NRG3: variants seen among roughly 807,000 people sequenced by gnomAD.
The protein encoded by NRG3 is pro-neuregulin-3, membrane-bound isoform.
Under a neutral mutation model 66.9 loss-of-function variants are expected in NRG3, and 31 were observed. That is an observed-to-expected ratio of 0.46 (90% CI 0.35 to 0.63). NRG3 has a LOEUF of 0.63. Among genes scored for constraint, NRG3 ranks in the 20% least tolerant of loss-of-function variants. The pLI is 0.00. For synonymous variants in NRG3, 393 were observed against 359.4 expected (o/e 1.09, Z -1.06); for missense variants, 910 against 878.9 (o/e 1.04, Z -0.45).
chr10:81,900,196 G>T (rs895366783), intron 1 of NRG3, among the ~76,000 whole-genome samples: 6 of 151,774 alleles, frequency 4.0e-5, no homozygotes, highest in Admixed American at 1.3e-4. Flanking sequence ...TGATCCACCC[G>T]CCTTGGCCTC....
intron 2 of NRG3, among the ~76,000 whole-genome samples, chr10:82,557,579 G>T (rs2044734031): frequency 6.6e-6 from 1 of 152,014 alleles, no homozygotes; most frequent in African/African-American, 2.4e-5. Context: ...TCTCTAGGTT[G>T]TCTGTTTACA....
intron 4 of NRG3, among the ~76,000 whole-genome samples, chr10:82,911,497 T>A (rs182243300): frequency 5.9e-5 from 9 of 152,052 alleles, no homozygotes; most frequent in Admixed American, 5.9e-4. Context: ...AAGGCATTGA[T>A]CAATTTTATA....
intron 8 of NRG3, chr10:82,984,678 G>T (rs1367239896): frequency 1.7e-6 from 2 of 1,169,758 alleles, no homozygotes; most frequent in Non-Finnish European, 2.5e-6. Flanking sequence ...GGGCTGAGAG[G>T]GTGGTCGAGT....
At chr10:82,527,906 C>T (rs572192275) in intron 2 of NRG3, among the ~76,000 whole-genome samples, 12 of 130,076 alleles carry the variant, frequency 9.2e-5, no homozygotes, top group African/African-American at 3.5e-4. Flanking sequence ...ATGCTATTGA[C>T]ATTTGGACTA....
At chr10:82,407,017 A>G (rs1052322151) in intron 2 of NRG3, among the ~76,000 whole-genome samples, 27 of 151,124 alleles carry the variant, frequency 1.8e-4, no homozygotes, top group Admixed American at 1.7e-3. Context: ...TTCTTGTTCT[A>G]CTTTCCCCAG....
intron 1 of NRG3, among the ~76,000 whole-genome samples, chr10:81,888,676 G>A (rs535169947): frequency 9.9e-5 from 15 of 152,242 alleles, no homozygotes; most frequent in Admixed American, 9.2e-4. Flanking sequence ...CTATATGGGA[G>A]CCAGTGAGGG....
chr10:82,440,354 C>A, intron 2 of NRG3, among the ~76,000 whole-genome samples: 1 of 135,758 alleles, frequency 7.4e-6, no homozygotes. Flanking sequence ...TACTAGTTTG[C>A]CTGTTTGATT....
intron 1 of NRG3, among the ~76,000 whole-genome samples, chr10:82,091,809 C>T (rs1388683928): frequency 1.3e-5 from 2 of 152,194 alleles, no homozygotes; most frequent in Non-Finnish European, 2.9e-5. Flanking sequence ...TTCTCACCGA[C>T]ACTTGTGATT....
chr10:82,568,146 T>C (rs1035342555), intron 2 of NRG3, among the ~76,000 whole-genome samples: 1 of 151,872 alleles, frequency 6.6e-6, no homozygotes, highest in African/African-American at 2.4e-5. Context: ...GTTGGACAAA[T>C]GCCATACCCT....
intron 4 of NRG3, among the ~76,000 whole-genome samples, chr10:82,878,669 G>A (rs746542740): frequency 7.2e-5 from 11 of 152,202 alleles, no homozygotes; most frequent in Admixed American, 1.3e-4. Context: ...AGATGTCAGC[G>A]TAAACAGGAC....
chr10:82,110,707 C>CA (rs1297331422), intron 1 of NRG3, among the ~76,000 whole-genome samples: 6 of 151,912 alleles, frequency 3.9e-5, no homozygotes, highest in African/African-American at 1.5e-4. Context: ...CCAGGGAGAA[C>CA]AGTGTGGGGA....
intron 2 of NRG3, among the ~76,000 whole-genome samples, chr10:82,714,286 A>G (rs2056845625): frequency 6.6e-6 from 1 of 151,998 alleles, no homozygotes; most frequent in Admixed American, 6.6e-5. Flanking sequence ...ACAATATATT[A>G]ACTATACTCA....
At chr10:81,967,059 G>A (rs190163155) in intron 1 of NRG3, among the ~76,000 whole-genome samples, 66 of 151,414 alleles carry the variant, frequency 4.4e-4, no homozygotes, top group Admixed American at 2.0e-3. Context: ...ATACACTTAA[G>A]GTTTTATTTT....
At chr10:82,101,520 A>G (rs1225454086) in intron 1 of NRG3, among the ~76,000 whole-genome samples, 3 of 151,678 alleles carry the variant, frequency 2.0e-5, no homozygotes, top group Non-Finnish European at 3.0e-5. Context: ...ACATATCCTG[A>G]TAGATTTTAT....
intron 1 of NRG3, among the ~76,000 whole-genome samples, chr10:82,030,699 G>GAAA (rs397697434): frequency 7.0e-6 from 1 of 142,452 alleles, no homozygotes. Context: ...GTCTAATTTG[G>GAAA]AAAAAAAAAA....
At chr10:82,427,060 A>C (rs2089494888) in intron 2 of NRG3, among the ~76,000 whole-genome samples, 1 of 152,008 alleles carries the variant, frequency 6.6e-6, no homozygotes, top group Admixed American at 6.6e-5. Flanking sequence ...GAACTTTTAA[A>C]TTCGTTCCAG....
At chr10:82,348,488 G>C (rs1428018032) in intron 1 of NRG3, among the ~76,000 whole-genome samples, 1 of 150,556 alleles carries the variant, frequency 6.6e-6, no homozygotes, top group East Asian at 2.0e-4. Flanking sequence ...TTTCTCTCTG[G>C]CTGCTCTTAA....
chr10:82,839,040 TC>T (rs1442521572), intron 3 of NRG3, among the ~76,000 whole-genome samples: 1 of 152,212 alleles, frequency 6.6e-6, no homozygotes, highest in South Asian at 2.1e-4. Context: ...GGAAAACCGC[TC>T]CCATTATATC....
chr10:82,374,320 C>T (rs929330893), intron 2 of NRG3, among the ~76,000 whole-genome samples: 16 of 152,152 alleles, frequency 1.1e-4, no homozygotes, highest in Non-Finnish European at 7.3e-5. Flanking sequence ...GTCGCTTCCT[C>T]AAAGACGCCC....
Sources: allele counts gnomAD v4.1 joint callset (sites outside exome capture counted in the v4.1 genomes callset), GRCh38; gene constraint gnomAD v4.1.1; transcripts MANE v1.5; gene names NCBI Gene and HGNC (gene_info 2026-07-23, HGNC 2026-07-21).